ERBB4: variants seen among roughly 807,000 people sequenced by gnomAD.
ERBB4 encodes the protein receptor tyrosine-protein kinase erbB-4.
Under a neutral mutation model 158.0 loss-of-function variants are expected in ERBB4, and 42 were observed. The observed-to-expected ratio is 0.27, with a 90% CI of 0.21 to 0.34. The LOEUF is 0.34. ERBB4 is among the 10% of genes least tolerant of loss of function. ERBB4 has a pLI of 1.00. For missense variants in ERBB4, 1,333 were observed against 1,624.1 expected, an observed-to-expected ratio of 0.82 and a Z score of 3.08; for synonymous variants, 583 against 558.7, an observed-to-expected ratio of 1.04 and a Z score of -0.61.
intron 1 of ERBB4, among the ~76,000 whole-genome samples, chr2:212,263,349 G>T (rs1413659907): frequency 1.3e-5 from 2 of 152,148 alleles, no homozygotes; most frequent in African/African-American, 4.8e-5. Flanking sequence ...GGAAATTAAT[G>T]CACTTTCTAT....
At position 212,234,224 on chromosome 2, in the gene ERBB4, CA is replaced by C. The variant is rs200904256; in HGVS notation, c.83-109322del. Among the ~76,000 whole-genome samples the C allele has an allele frequency of 4.5e-4, 69 of 152,110 alleles. 1 individual carries two copies. The highest frequency in any genetic ancestry group is 1.9e-3 in the East Asian group (10 of 5,166). ...TTCAATTCCCAATTATGAGTGAGAA[CA>C]TGCAGTGTTGGGTTTTCTGTTCCTG... On this transcript the variant is annotated intron_variant, in intron 1 of 27. Transcript: ENST00000342788.
chr2:211,766,600 G>A (rs2075554780), intron 4 of ERBB4, among the ~76,000 whole-genome samples: 1 of 152,210 alleles, frequency 6.6e-6, no homozygotes, highest in African/African-American at 2.4e-5. Context: ...CTATTTAATT[G>A]TGAAACTGAA....
At chr2:211,420,065 A>G (rs949106622) in intron 25 of ERBB4, among the ~76,000 whole-genome samples, 1 of 152,070 alleles carries the variant, frequency 6.6e-6, no homozygotes, top group East Asian at 1.9e-4. Context: ...ATATATCATA[A>G]TATCTTTTTA....
At chr2:211,580,838 T>A (rs1409289782) in intron 19 of ERBB4, among the ~76,000 whole-genome samples, 1 of 13,666 alleles carries the variant, frequency 7.3e-5, no homozygotes, top group Non-Finnish European at 5.8e-4. Context: ...ATATATAGAT[T>A]ATATATTATA....
chr2:211,825,481 A>C (rs2077082109), intron 3 of ERBB4, among the ~76,000 whole-genome samples: 1 of 151,740 alleles, frequency 6.6e-6, no homozygotes, highest in Non-Finnish European at 1.5e-5. Context: ...ATTAAATCCC[A>C]TTTCAATGTA....
At chr2:211,875,365 G>A (rs2078472512) in intron 3 of ERBB4, among the ~76,000 whole-genome samples, 1 of 152,090 alleles carries the variant, frequency 6.6e-6, no homozygotes, top group Admixed American at 6.5e-5. Flanking sequence ...TCCCTGTTTT[G>A]TTGGTAATTT....
At chr2:211,826,907 CAG>C (rs2077111046) in intron 3 of ERBB4, among the ~76,000 whole-genome samples, 2 of 151,920 alleles carry the variant, frequency 1.3e-5, no homozygotes. Flanking sequence ...CTGTTATTTG[CAG>C]AGATGGCTTT....
At chr2:211,589,315 T>A (rs763823298) in intron 19 of ERBB4, among the ~76,000 whole-genome samples, 9 of 152,206 alleles carry the variant, frequency 5.9e-5, no homozygotes, top group Non-Finnish European at 1.2e-4. Flanking sequence ...AAATGCAGTA[T>A]CTATATCTAG....
In ERBB4 at chr2:211,630,614, A is replaced by C; in HGVS notation, c.1947-20T>G. The C allele has an allele frequency of 6.2e-7, 1 of 1,602,352 alleles. No individual in the cohort carries two copies. The highest frequency in any genetic ancestry group is 8.5e-7 in the Non-Finnish European group (1 of 1,172,754). On this transcript the variant is annotated intron_variant, in intron 16 of 27. Transcript: ENST00000342788. Reference sequence around the variant, plus strand: ...GGAGTTCTGACAACCAGAATGAGAAAAAAAAAAATAAAAAGTATGAAGAGA... The same window carrying C: ...GGAGTTCTGACAACCAGAATGAGAACAAAAAAAATAAAAAGTATGAAGAGA...
intron 1 of ERBB4, among the ~76,000 whole-genome samples, chr2:212,438,054 T>C (rs1294754549): frequency 1.3e-5 from 2 of 152,092 alleles, no homozygotes; most frequent in African/African-American, 2.4e-5. Context: ...GAGTGAGTTG[T>C]ACATTTATGA....
chr2:211,615,536 T>C (rs770615824), intron 19 of ERBB4, among the ~76,000 whole-genome samples: 21 of 152,106 alleles, frequency 1.4e-4, no homozygotes, highest in Non-Finnish European at 1.8e-4. Context: ...CAGTGTGTTA[T>C]TATTGTCATT....
At chr2:212,072,357 G>A (rs2078146613) in intron 2 of ERBB4, among the ~76,000 whole-genome samples, 1 of 151,934 alleles carries the variant, frequency 6.6e-6, no homozygotes, top group Non-Finnish European at 1.5e-5. Flanking sequence ...TGAGTGACAG[G>A]TAGTAGCGTA....
chr2:211,763,915 A>T (rs985094346), intron 4 of ERBB4, among the ~76,000 whole-genome samples: 1 of 36,258 alleles, frequency 2.8e-5, no homozygotes. Flanking sequence ...CACACACACA[A>T]ATATATGTAT....
chr2:211,411,955 C>A (rs1467149908), intron 25 of ERBB4, among the ~76,000 whole-genome samples: 1 of 151,598 alleles, frequency 6.6e-6, no homozygotes, highest in Non-Finnish European at 1.5e-5. Context: ...AGCCTATTTT[C>A]CAAAAAATAA....
At chr2:211,637,794 T>C (rs2070416127) in intron 16 of ERBB4, among the ~76,000 whole-genome samples, 1 of 152,006 alleles carries the variant, frequency 6.6e-6, no homozygotes, top group South Asian at 2.1e-4. Flanking sequence ...ATATAAATAG[T>C]AATGCTAACA....
chr2:212,397,748 A>G (rs2106453901), intron 1 of ERBB4, among the ~76,000 whole-genome samples: 1 of 152,160 alleles, frequency 6.6e-6, no homozygotes, highest in South Asian at 2.1e-4. Context: ...TGTTGTTTTT[A>G]TATTGTGTTC....
At chr2:211,731,792 G>T (rs1213743880) in intron 5 of ERBB4, among the ~76,000 whole-genome samples, 2 of 152,078 alleles carry the variant, frequency 1.3e-5, no homozygotes, top group East Asian at 3.9e-4. Context: ...TCCAAGAAGA[G>T]GCGTTACTTA....
chr2:211,893,304 G>T (rs371061490), intron 3 of ERBB4, among the ~76,000 whole-genome samples: 10 of 143,426 alleles, frequency 7.0e-5, no homozygotes, highest in Non-Finnish European at 1.1e-4. Flanking sequence ...AAACAAGCAA[G>T]GGGGAAAGGA....
At chr2:212,193,510 A>G (rs1483011769) in intron 1 of ERBB4, among the ~76,000 whole-genome samples, 1 of 152,116 alleles carries the variant, frequency 6.6e-6, no homozygotes, top group Non-Finnish European at 1.5e-5. Context: ...AAATACTAAA[A>G]TTAGGTTGCC....
Sources: gnomAD v4.1 joint callset for allele counts (sites outside exome capture counted in the v4.1 genomes callset) on GRCh38, gnomAD v4.1.1 for gene constraint, MANE v1.5 for transcripts, NCBI Gene and HGNC (gene_info 2026-07-23, HGNC 2026-07-21) for gene names.